Variants in CTDSPL observed in about 807,000 individuals in gnomAD.
The protein encoded by CTDSPL is CTD small phosphatase like.
Under a neutral mutation model 30.5 loss-of-function variants are expected in CTDSPL, and 8 were observed. That is an observed-to-expected ratio of 0.26 (90% CI 0.15 to 0.47). The LOEUF is 0.47. CTDSPL is among the 20% of genes least tolerant of loss of function. The probability of loss-of-function intolerance (pLI) is 0.99; values close to 1 mark genes in which losing one functional copy is unlikely to be tolerated. For synonymous variants in CTDSPL, 110 were observed against 137.9 expected (o/e 0.80, Z 1.42); for missense variants, 248 against 366.1 (o/e 0.68, Z 2.63).
intron 2 of CTDSPL, among the ~76,000 whole-genome samples, chr3:37,950,923 G>A (rs1467332817): frequency 6.6e-6 from 1 of 152,086 alleles, no homozygotes; most frequent in East Asian, 1.9e-4. Flanking sequence ...GCTACTGAGA[G>A]AAAAAAATGG....
At chr3:37,940,384 A>G (rs978359314) in intron 1 of CTDSPL, among the ~76,000 whole-genome samples, 7 of 150,530 alleles carry the variant, frequency 4.7e-5, no homozygotes, top group African/African-American at 1.7e-4. Flanking sequence ...CTTAGGAGCA[A>G]AAGAGAATTT....
intron 3 of CTDSPL, among the ~76,000 whole-genome samples, 156 bp downstream of exon 3, chr3:37,957,299 T>C (rs1023837519): frequency 6.6e-6 from 1 of 152,200 alleles, no homozygotes; most frequent in African/African-American, 2.4e-5. Flanking sequence ...AAACTGAAGC[T>C]GCATTTTAAA....
At chr3:37,879,221 T>G (rs974840083) in intron 1 of CTDSPL, among the ~76,000 whole-genome samples, 2 of 152,204 alleles carry the variant, frequency 1.3e-5, no homozygotes, top group African/African-American at 2.4e-5. Context: ...GAGATCACAA[T>G]TCTGATGGCC....
intron 1 of CTDSPL, among the ~76,000 whole-genome samples, chr3:37,888,797 G>A (rs1470413765): frequency 6.6e-6 from 1 of 152,192 alleles, no homozygotes; most frequent in East Asian, 1.9e-4. Context: ...CAACCTTTTT[G>A]GATATGATGC....
chr3:37,902,950 A>G (rs1698468880), intron 1 of CTDSPL, among the ~76,000 whole-genome samples: 1 of 152,198 alleles, frequency 6.6e-6, no homozygotes, highest in African/African-American at 2.4e-5. Flanking sequence ...CTACAGTGAA[A>G]GGTATGTGAG....
intron 1 of CTDSPL, among the ~76,000 whole-genome samples, chr3:37,918,123 T>C (rs147797186): frequency 2.6e-5 from 4 of 152,270 alleles, no homozygotes; most frequent in Non-Finnish European, 1.5e-5. Flanking sequence ...TAAACCCAGT[T>C]ACGTGCATGC....
intron 2 of CTDSPL, among the ~76,000 whole-genome samples, chr3:37,948,838 G>A (rs1265624503): frequency 9.5e-6 from 1 of 104,786 alleles, no homozygotes; most frequent in Non-Finnish European, 1.9e-5. Flanking sequence ...TTTTGAGACG[G>A]AGTCTCGCTC....
chr3:37,911,445 C>G (rs1176605669), intron 1 of CTDSPL, among the ~76,000 whole-genome samples: 1 of 152,230 alleles, frequency 6.6e-6, no homozygotes, highest in East Asian at 1.9e-4. Context: ...AAGAGCAGGG[C>G]CTGCAAGATG....
intron 1 of CTDSPL, among the ~76,000 whole-genome samples, chr3:37,883,818 T>C (rs929339777): frequency 2.6e-5 from 4 of 152,232 alleles, no homozygotes; most frequent in Non-Finnish European, 5.9e-5. Flanking sequence ...TTTTGACAAG[T>C]TTCTTCTTCC....
Position 37,980,763 on chromosome 3 carries a change from G to A in CTDSPL, c.727G>A (p.Asp243Asn), listed in dbSNP as rs144531491. Residue 243 changes from aspartate to asparagine, a missense_variant, in exon 8 of 8, where the codon GAT (aspartate) becomes AAT (asparagine). By Grantham distance (23) the Asp-to-Asn change is conservative. Coordinates refer to ENST00000273179, the MANE Select transcript of CTDSPL (RefSeq NM_001008392.2). ...CCAGGTGCCTGTGCAGTCCTGGTTC[G>A]ATGACATGACGGACACGGAGCTGCT... ...ENAVPVQSWF[D>N]DMTDTELLDL... The A allele has an allele frequency of 1.8e-3, 2,908 of 1,614,220 alleles. 37 individuals carry two copies. The highest frequency in any genetic ancestry group is 5.1e-4 in the Non-Finnish European group (600 of 1,180,030).
intron 1 of CTDSPL, among the ~76,000 whole-genome samples, chr3:37,933,713 C>T (rs1698882626): frequency 6.6e-6 from 1 of 152,160 alleles, no homozygotes; most frequent in African/African-American, 2.4e-5. Flanking sequence ...CATAGAATGA[C>T]TGTAAGTATT....
At chr3:37,972,247 A>G (rs1699375862) in intron 6 of CTDSPL, among the ~76,000 whole-genome samples, 1 of 152,188 alleles carries the variant, frequency 6.6e-6, no homozygotes, top group African/African-American at 2.4e-5. Flanking sequence ...CTGTAATCCC[A>G]ACACTTTGGG....
chr3:37,898,839 G>A (rs978226633), intron 1 of CTDSPL, among the ~76,000 whole-genome samples: 2 of 152,084 alleles, frequency 1.3e-5, no homozygotes, highest in Non-Finnish European at 2.9e-5. Flanking sequence ...AAAATATCAG[G>A]GTGGGCCTAG....
At chr3:37,936,470 A>T (rs1698916677) in intron 1 of CTDSPL, among the ~76,000 whole-genome samples, 1 of 151,532 alleles carries the variant, frequency 6.6e-6, no homozygotes, top group African/African-American at 2.4e-5. Flanking sequence ...TTTGTTGACC[A>T]CTCTTTCAGG....
chr3:37,902,952 G>C (rs907350588), intron 1 of CTDSPL, among the ~76,000 whole-genome samples: 7 of 152,216 alleles, frequency 4.6e-5, no homozygotes, highest in Admixed American at 1.3e-4. Flanking sequence ...ACAGTGAAAG[G>C]TATGTGAGCT....
intron 5 of CTDSPL, chr3:37,968,275 C>T: frequency 2.2e-6 from 1 of 457,388 alleles, no homozygotes; most frequent in South Asian, 1.6e-5. Context: ...GAAAAAGTGT[C>T]CATTTTCAAT....
chr3:37,929,590 C>T (rs9809341), intron 1 of CTDSPL, among the ~76,000 whole-genome samples: 17,961 of 152,100 alleles, frequency 0.12, 1,142 homozygotes, highest in Middle Eastern at 0.16. Context: ...GTTTATTCAT[C>T]GTCAGTGTAT....
chr3:37,910,758 A>T (rs181152909), intron 1 of CTDSPL, among the ~76,000 whole-genome samples: 52 of 152,346 alleles, frequency 3.4e-4, no homozygotes, highest in African/African-American at 1.1e-3. Context: ...TTCCCACTGA[A>T]ATAAATGCCT....
At chr3:37,963,141 T>C (rs1699261429) in intron 3 of CTDSPL, among the ~76,000 whole-genome samples, 1 of 152,212 alleles carries the variant, frequency 6.6e-6, no homozygotes, top group Admixed American at 6.5e-5. Flanking sequence ...TTAGGGAGGA[T>C]TGCTTCCAGC....
Sources: gnomAD v4.1 joint callset for allele counts (sites outside exome capture counted in the v4.1 genomes callset) on GRCh38, gnomAD v4.1.1 for gene constraint, MANE v1.5 for transcripts, NCBI Gene and HGNC (gene_info 2026-07-23, HGNC 2026-07-21) for gene names.